SACS: variants seen among roughly 807,000 people sequenced by gnomAD.
The protein encoded by SACS is sacsin.
In SACS, 197 loss-of-function variants were observed where a neutral mutation model predicts 348.0. That is an observed-to-expected ratio of 0.57 (90% CI 0.50 to 0.64). SACS has a LOEUF of 0.64. Ranked by LOEUF, SACS falls within the 30% of genes least tolerant of loss-of-function variation. The probability of loss-of-function intolerance (pLI) is 0.00; values close to 1 mark genes in which losing one functional copy is unlikely to be tolerated. For synonymous variants in SACS, 1,985 were observed against 1,910.6 expected (o/e 1.04, Z -1.02); for missense variants, 4,999 against 5,360.8 (o/e 0.93, Z 2.11).
At position 23,333,250 on chromosome 13, in the gene SACS, A is replaced by G. The variant is rs1883609088; in HGVS notation, c.10626T>C (p.Asp3542=). 6.2e-7 allele frequency: 1 copy of G among 1,600,402 alleles called. No individual in the cohort carries two copies. The highest frequency in any genetic ancestry group is 1.7e-5 in the Admixed American group (1 of 57,392). ...SRLKQAKHFY[D]RTVRVFEVML... is the part of the protein sequence containing the mutation. ...TAACTTCAAAAACTCTCACAGTTCT[A>G]TCATAGAAATGCTTTGCTTGCTTTA... The change falls in exon 10 of 10, where the codon GAT becomes GAC. Residue 3542 remains aspartate (D), a synonymous_variant. Transcript: ENST00000382292.
Position 23,338,720 on chromosome 13 carries a change from C to G in SACS, c.5156G>C (p.Cys1719Ser), listed in dbSNP as rs756825726. ...AGGTGTGTTCAATGCTTTGGAAGAG[C>G]AGGATTTTTTTTTAATTATTACTGT... is the stretch of plus-strand genomic sequence containing the variant. ...QDTVIIKKKSCSSKALNTPVL... is the reference protein window; with the variant it reads ...QDTVIIKKKSSSSKALNTPVL... The change falls in exon 10 of 10, where the codon TGC (cysteine) becomes TCC (serine). Residue 1719 changes from cysteine (C) to serine (S), a missense_variant. By Grantham distance (112) the Cys-to-Ser change is moderately radical. This residue lies in a region of SACS where 3,156 missense variants were observed against 3,380.1 expected (regional missense o/e 0.93). Transcript: ENST00000382292. The G allele has an allele frequency of 3.1e-6, 5 of 1,608,162 alleles. No homozygotes were observed. The highest frequency in any genetic ancestry group is 4.2e-6 in the Non-Finnish European group (5 of 1,177,998).
At position 23,336,927 on chromosome 13, in the gene SACS, T is replaced by C; in HGVS notation, c.6949A>G (p.Asn2317Asp). Residue 2317 changes from asparagine (N) to aspartate (D), a missense_variant, in exon 10 of 10, where the codon AAT (asparagine) becomes GAT (aspartate). This residue lies in a region of SACS where 3,156 missense variants were observed against 3,380.1 expected (regional missense o/e 0.93). Coordinates refer to ENST00000382292, the MANE Select transcript of SACS (RefSeq NM_014363.6). ...GITLYQENIT[N>D]ACYKYLHEAL... ...TCATGAAGGTATTTGTAGCAAGCAT[T>C]GGTGATATTCTCCTGGTACAGTGTA... 1 of 1,613,940 alleles carries C rather than the reference T, an allele frequency of 6.2e-7. No individual in the cohort carries two copies. The highest frequency in any genetic ancestry group is 8.5e-7 in the Non-Finnish European group (1 of 1,179,828).
At position 23,336,654 on chromosome 13, in the gene SACS, C is replaced by T. The variant is rs760023825; in HGVS notation, c.7222G>A (p.Asp2408Asn). ...EDFALVLESI[D>N]QERGTKQITE... is the part of the protein sequence containing the mutation. ...ATTTGCTTTGTTCCTCTTTCTTGAT[C>T]AATAGATTCCAAAACAAGAGCAAAA... The change falls in exon 10 of 10, where the codon GAT (aspartate) becomes AAT (asparagine). Residue 2408 changes from aspartate to asparagine, a missense_variant. Physicochemically the swap from Asp to Asn is conservative, Grantham distance 23 (BLOSUM62 1). Around this residue, in one of 6 missense-constraint regions of SACS, gnomAD observed 3,156 missense variants for 3,380.1 expected, o/e 0.93. Coordinates refer to ENST00000382292, the MANE Select transcript of SACS (RefSeq NM_014363.6). 6 of 1,613,824 alleles carry T rather than the reference C, an allele frequency of 3.7e-6. No individual in the cohort carries two copies. In the African/African-American group the frequency reaches 4.0e-5, roughly 11 times the overall value.
chr13:23,390,744 T>C (rs1283816446), intron 2 of SACS, among the ~76,000 whole-genome samples: 1 of 152,238 alleles, frequency 6.6e-6, no homozygotes, highest in East Asian at 1.9e-4. Context: ...GTTATTCTCA[T>C]GAAGAAGCTA....
chr13:23,412,425 T>C (rs1370011807), intron 1 of SACS, among the ~76,000 whole-genome samples: 1 of 132,316 alleles, frequency 7.6e-6, no homozygotes, highest in African/African-American at 2.6e-5. Flanking sequence ...TTTTTTTTTT[T>C]TTCTCTGAGA....
intron 9 of SACS, among the ~76,000 whole-genome samples, chr13:23,350,045 G>T (rs1869855399): frequency 6.6e-6 from 1 of 152,186 alleles, no homozygotes; most frequent in African/African-American, 2.4e-5. Context: ...AGGAACAGAG[G>T]TTCACAAATA....
At chr13:23,365,896 T>G (rs1434047761) in intron 5 of SACS, among the ~76,000 whole-genome samples, 1 of 152,004 alleles carries the variant, frequency 6.6e-6, no homozygotes, top group East Asian at 1.9e-4. Context: ...GAATGGTGGG[T>G]GAGTGGAAGG....
At chr13:23,359,336 A>G (rs917709245) in intron 6 of SACS, among the ~76,000 whole-genome samples, 1 of 152,158 alleles carries the variant, frequency 6.6e-6, no homozygotes, top group Non-Finnish European at 1.5e-5. Context: ...TACACAATTT[A>G]TTTTAAAAAA....
chr13:23,336,096 G>A lies in SACS; in HGVS notation c.7780C>T (p.Gln2594Ter). 6.2e-7 allele frequency: 1 copy of A among 1,611,020 alleles called. No homozygotes were observed. The highest frequency in any genetic ancestry group is 8.5e-7 in the Non-Finnish European group (1 of 1,177,708). ...CTAACATCATCTTCTGTAAATGGCT[G>A]GTTGTTGTACACACAAAGTGCTGGC... ...QGPALCVYNNQPFTEDDVRGI... is the reference protein window; with the variant it reads ...QGPALCVYNN The change falls in exon 10 of 10, where the codon CAG (glutamine) becomes TAG (stop). Residue 2594 changes from glutamine (Q) to a stop codon, truncating the protein, a stop_gained. Transcript: ENST00000382292. LOFTEE classifies it high-confidence loss of function.
At chr13:23,352,700 G>C (rs546434529) in intron 9 of SACS, among the ~76,000 whole-genome samples, 5 of 152,218 alleles carry the variant, frequency 3.3e-5, no homozygotes, top group African/African-American at 1.2e-4. Flanking sequence ...TAGGAATCCA[G>C]GCTTAGACTT....
intron 6 of SACS, among the ~76,000 whole-genome samples, chr13:23,364,948 G>A (rs1870970641): frequency 6.6e-6 from 1 of 152,162 alleles, no homozygotes; most frequent in African/African-American, 2.4e-5. Context: ...TACATTGCTT[G>A]TCATTTTGAG....
At chr13:23,385,000 G>A (rs1038902750) in intron 2 of SACS, among the ~76,000 whole-genome samples, 26 of 152,114 alleles carry the variant, frequency 1.7e-4, no homozygotes, top group South Asian at 4.1e-4. Flanking sequence ...GGTGGCTCAC[G>A]CCTGTAATCC....
In SACS at chr13:23,358,441, T is replaced by C. The variant is rs1870528398; in HGVS notation, c.498A>G (p.Pro166=). 4 of 1,614,218 alleles carry C rather than the reference T, an allele frequency of 2.5e-6. No homozygotes were observed. The highest frequency in any genetic ancestry group is 3.4e-6 in the Non-Finnish European group (4 of 1,180,034). ...LYVYNNAVFT[P]EDWHGIQEIA... is the part of the protein sequence containing the mutation. The stretch of plus-strand genomic sequence containing the variant: ...TTTCTTGAATGCCGTGCCAGTCCTC[T>C]GGGGTGAAAACCGCGTTGTTGTACA... The change falls in exon 7 of 10, where the codon CCA becomes CCG. Residue 166 remains proline (P), a synonymous_variant. Transcript: ENST00000382292.
rs946585283 is a variant in SACS at position 23,331,069 on chromosome 13, G to A, written c.12807C>T (p.Leu4269=). The change falls in exon 10 of 10, where the codon CTC becomes CTT. Residue 4269 remains leucine (L), a synonymous_variant. Transcript: ENST00000382292. ...GAGGAATGCTTCTCAGGCCAGGGGT[G>A]AGGAACTCAGTGGGGCTGGTTGGTG... The part of the protein sequence containing the change: ...PSTPTSPTEF[L]TPGLRSIPPL... 2 of 1,614,090 alleles carry A rather than the reference G, an allele frequency of 1.2e-6. No homozygotes were observed. The highest frequency in any genetic ancestry group is 1.3e-5 in the African/African-American group (1 of 75,024).
intron 2 of SACS, chr13:23,375,499 G>A (rs1871719556): frequency 1.8e-6 from 2 of 1,136,654 alleles, no homozygotes; most frequent in Admixed American, 4.9e-5. Context: ...AGCAGCCCGC[G>A]CCGAGGAGGA....
intron 9 of SACS, among the ~76,000 whole-genome samples, chr13:23,344,493 C>T (rs1320516461): frequency 2.0e-5 from 3 of 152,186 alleles, no homozygotes; most frequent in East Asian, 3.9e-4. Context: ...TAGTAAGACA[C>T]CGGTATACGT....
intron 6 of SACS, among the ~76,000 whole-genome samples, chr13:23,358,783 G>A (rs1341272648): frequency 6.6e-6 from 1 of 152,156 alleles, no homozygotes; most frequent in Non-Finnish European, 1.5e-5. Flanking sequence ...TACTCTACGT[G>A]AAATTTGTTC....
chr13:23,358,567 C>T (rs1249142245), intron 6 of SACS, 86 bp from the exon 7 acceptor site: 21 of 1,453,936 alleles, frequency 1.4e-5, no homozygotes, highest in Non-Finnish European at 1.9e-5. Flanking sequence ...TACAAAATCT[C>T]TTATTCGAAG....
chr13:23,382,115 C>T (rs1431320825), intron 2 of SACS, among the ~76,000 whole-genome samples: 1 of 152,178 alleles, frequency 6.6e-6, no homozygotes, highest in Non-Finnish European at 1.5e-5. Flanking sequence ...ACAAAGAAAA[C>T]GCCAGTTAGA....
Sources: gnomAD v4.1 joint callset for allele counts (sites outside exome capture counted in the v4.1 genomes callset) on GRCh38, gnomAD v4.1.1 for gene constraint, gnomAD v4.1.1 regional missense constraint, MANE v1.5 for transcripts, NCBI Gene and HGNC (gene_info 2026-07-23, HGNC 2026-07-21) for gene names.